Variants in HOMER2 observed in about 807,000 individuals in gnomAD.
HOMER2 encodes the protein homer protein homolog 2.
A neutral mutation model predicts 47.0 loss-of-function variants in HOMER2; 27 were observed. The observed-to-expected ratio is 0.57, with a 90% CI of 0.42 to 0.79. The LOEUF (loss-of-function observed/expected upper bound fraction) is 0.79. Ranked by LOEUF, HOMER2 falls within the 30% of genes least tolerant of loss-of-function variation. The pLI is 0.00. For missense variants in HOMER2, 443 were observed against 435.0 expected (o/e 1.02, Z -0.16); for synonymous variants, 161 against 163.8 (o/e 0.98, Z 0.13).
intron 1 of HOMER2, among the ~76,000 whole-genome samples, chr15:82,964,097 T>C (rs2054652959): frequency 6.6e-6 from 1 of 152,248 alleles, no homozygotes; most frequent in South Asian, 2.1e-4. Flanking sequence ...GGTCATTTTA[T>C]AGAAATAACT....
chr15:82,946,028 G>A (rs1327580076), intron 1 of HOMER2, among the ~76,000 whole-genome samples: 1 of 151,782 alleles, frequency 6.6e-6, no homozygotes, highest in African/African-American at 2.4e-5. Flanking sequence ...ACAAGGGTAG[G>A]GCCATCACAC....
intron 1 of HOMER2, among the ~76,000 whole-genome samples, chr15:82,907,698 T>A (rs1457816889): frequency 6.6e-6 from 1 of 152,142 alleles, no homozygotes; most frequent in Non-Finnish European, 1.5e-5. Flanking sequence ...CAAAGTGACA[T>A]GGAACATTCA....
chr15:82,852,997 C>T (rs148282963), intron 6 of HOMER2, among the ~76,000 whole-genome samples: 13 of 152,340 alleles, frequency 8.5e-5, no homozygotes, highest in South Asian at 2.1e-4. Flanking sequence ...GGACAGCAGG[C>T]GTGGACCCCA....
chr15:82,908,327 G>C (rs1469128746), intron 1 of HOMER2, among the ~76,000 whole-genome samples: 1 of 152,098 alleles, frequency 6.6e-6, no homozygotes, highest in Non-Finnish European at 1.5e-5. Flanking sequence ...CTTATAGGAG[G>C]CCATTGATTC....
intron 1 of HOMER2, among the ~76,000 whole-genome samples, chr15:82,932,897 C>T (rs2041062712): frequency 1.3e-5 from 2 of 152,160 alleles, no homozygotes; most frequent in South Asian, 4.1e-4. Context: ...GATGCCCACA[C>T]AGAGCCAAAG....
intron 1 of HOMER2, among the ~76,000 whole-genome samples, chr15:82,942,722 T>G (rs886652330): frequency 5.9e-5 from 9 of 152,212 alleles, no homozygotes; most frequent in Non-Finnish European, 1.3e-4. Flanking sequence ...TGCACCTCCC[T>G]GTAAAAGCAA....
chr15:82,841,025 A>T (rs189378310), exon 2 of HOMER2: 1 of 152,284 alleles, frequency 6.6e-6, no homozygotes, highest in East Asian at 1.9e-4. Context: ...CCAACTATTC[A>T]TCTTATTTAG....
At chr15:82,923,955 A>G (rs1720195328) in intron 1 of HOMER2, among the ~76,000 whole-genome samples, 1 of 152,258 alleles carries the variant, frequency 6.6e-6, no homozygotes, top group African/African-American at 2.4e-5. Context: ...TGTCTCAGCC[A>G]GAATTAAGAC....
intron 1 of HOMER2, among the ~76,000 whole-genome samples, chr15:82,969,893 C>T (rs186789750): frequency 1.3e-5 from 2 of 152,064 alleles, no homozygotes; most frequent in South Asian, 2.1e-4. Context: ...TAAATAGAAC[C>T]TTTGTATCCT....
At chr15:82,948,478 G>A (rs577518846) in intron 1 of HOMER2, among the ~76,000 whole-genome samples, 1 of 152,014 alleles carries the variant, frequency 6.6e-6, no homozygotes, top group Non-Finnish European at 1.5e-5. Context: ...CATGAGAATC[G>A]CTTGAACCTG....
rs76145073 is a variant in HOMER2, at chr15:82,864,196, T to C, written c.358A>G (p.Lys120Glu). 6.0e-4 allele frequency: 968 copies of C among 1,611,124 alleles called. 1 individual carries two copies. The highest frequency in any genetic ancestry group is 7.6e-4 in the Non-Finnish European group (895 of 1,178,572). ...AKIAKDKTQEKIETSSNHSQA... is the reference protein window; with the variant it reads ...AKIAKDKTQEEIETSSNHSQA... ...GAATGATTACTTGAGGTCTCGATTT[T>C]CTCCTGCGTCTTGTCTTTGGCTATC... is the stretch of plus-strand genomic sequence containing the variant. Residue 120 changes from lysine to glutamate, a missense_variant, in exon 4 of 9, where the codon AAA becomes GAA. By Grantham distance (56) the Lys-to-Glu change is moderately conservative. Transcript: ENST00000450735.
At chr15:82,949,256 A>G (rs955383114) in intron 1 of HOMER2, among the ~76,000 whole-genome samples, 1 of 152,158 alleles carries the variant, frequency 6.6e-6, no homozygotes, top group Non-Finnish European at 1.5e-5. Flanking sequence ...TATCGATGGC[A>G]TTTGAAGCCA....
intron 1 of HOMER2, among the ~76,000 whole-genome samples, chr15:82,923,395 G>A (rs1484664153): frequency 1.3e-5 from 2 of 151,414 alleles, no homozygotes; most frequent in Admixed American, 1.3e-4. Context: ...GCTGAGGCAT[G>A]AGAATTGCTT....
intron 1 of HOMER2, among the ~76,000 whole-genome samples, chr15:82,963,697 T>C (rs748904653): frequency 7.9e-5 from 12 of 152,166 alleles, no homozygotes; most frequent in Non-Finnish European, 1.3e-4. Flanking sequence ...AGTGTTCCAT[T>C]AGCAAAGAGG....
chr15:82,874,890 C>G (rs1193068565), intron 3 of HOMER2, among the ~76,000 whole-genome samples: 1 of 152,208 alleles, frequency 6.6e-6, no homozygotes, highest in Non-Finnish European at 1.5e-5. Flanking sequence ...TGCCCTCACA[C>G]AGGAAGGTCA....
chr15:82,916,625 A>AG (rs1452568337), intron 1 of HOMER2, among the ~76,000 whole-genome samples: 1 of 152,164 alleles, frequency 6.6e-6, no homozygotes, highest in Non-Finnish European at 1.5e-5. Flanking sequence ...AACAGGTGTG[A>AG]GGGTGCTCCA....
intron 7 of HOMER2, 102 bp from the exon 8 acceptor site, chr15:82,851,333 C>T (rs569614696): frequency 1.3e-6 from 1 of 775,764 alleles, no homozygotes; most frequent in Non-Finnish European, 2.2e-6. Context: ...GCTTTGGGAC[C>T]CTGTCCTGTT....
chr15:82,924,332 A>G (rs958876735), intron 1 of HOMER2, among the ~76,000 whole-genome samples: 7 of 149,860 alleles, frequency 4.7e-5, no homozygotes, highest in Non-Finnish European at 8.9e-5. Context: ...GCAGGTGTCT[A>G]GACAGCTGGG....
chr15:82,864,478 T>C (rs1352705633), intron 3 of HOMER2, among the ~76,000 whole-genome samples: 1 of 152,148 alleles, frequency 6.6e-6, no homozygotes, highest in Non-Finnish European at 1.5e-5. Context: ...CTGAAGCTAG[T>C]TTGATGATGA....
Sources: gnomAD v4.1 joint callset for allele counts (sites outside exome capture counted in the v4.1 genomes callset) on GRCh38, gnomAD v4.1.1 for gene constraint, MANE v1.5 for transcripts, NCBI Gene and HGNC (gene_info 2026-07-23, HGNC 2026-07-21) for gene names.